Variants in CCDC192 observed in about 807,000 individuals in gnomAD.
CCDC192 encodes coiled-coil domain containing 192, also known as coiled-coil domain-containing protein 192.
At chr5:127,887,706 ATT>A (rs201453082) in intron 6 of CCDC192, among the ~76,000 whole-genome samples, 9 of 140,462 alleles carry the variant, frequency 6.4e-5, no homozygotes, top group East Asian at 2.1e-4. Flanking sequence ...TTTATTAACT[ATT>A]TTTTTTTTTT....
chr5:127,871,117 G>C (rs773959792), intron 5 of CCDC192, among the ~76,000 whole-genome samples: 2 of 152,320 alleles, frequency 1.3e-5, no homozygotes, highest in Non-Finnish European at 2.9e-5. Flanking sequence ...CAGTGCCTTG[G>C]AGTGCTCCTC....
At chr5:127,711,096 G>A (rs866296599) in intron 2 of CCDC192, among the ~76,000 whole-genome samples, 5 of 152,278 alleles carry the variant, frequency 3.3e-5, no homozygotes, top group South Asian at 2.1e-4. Context: ...ATAGGATCAC[G>A]ACTGCTCCCT....
chr5:127,875,701 G>C, intron 6 of CCDC192, 40 bp downstream of exon 6: 1 of 398,416 alleles, frequency 2.5e-6, no homozygotes, highest in Non-Finnish European at 4.4e-6. Context: ...TGGCCCGTCA[G>C]CTGGGTGATG....
intron 5 of CCDC192, among the ~76,000 whole-genome samples, chr5:127,860,670 A>G (rs1020859209): frequency 2.0e-5 from 3 of 152,198 alleles, no homozygotes; most frequent in Non-Finnish European, 4.4e-5. Context: ...TTTCCTTAAA[A>G]ATATGTACAG....
At chr5:127,757,372 A>G (rs904583527) in intron 3 of CCDC192, among the ~76,000 whole-genome samples, 2 of 152,178 alleles carry the variant, frequency 1.3e-5, no homozygotes, top group Non-Finnish European at 2.9e-5. Flanking sequence ...AGCCATTTTC[A>G]ATATTATATT....
In CCDC192 at chr5:127,798,155, T is replaced by G; in HGVS notation, c.404T>G (p.Ile135Arg). 1 of 398,442 alleles carries G rather than the reference T, an allele frequency of 2.5e-6. No homozygotes were observed. The highest frequency in any genetic ancestry group is 3.6e-5 in the East Asian group (1 of 28,006). The allele number at this position is 398,442 out of a possible 1,614,324, so 24.7% of individuals were successfully genotyped here. ...GTAAAAGCTTCCCAGGAGCAACTTA[T>G]AGCCCAGGTAAGTGTTTTCCTCCTT... ...AEVKASQEQLIAQKLKHEKKV... is the reference protein window; with the variant it reads ...AEVKASQEQLRAQKLKHEKKV... Residue 135 changes from isoleucine to arginine, a missense_variant, in exon 5 of 7, where the codon ATA (isoleucine) becomes AGA (arginine). By Grantham distance (97) the Ile-to-Arg change is moderately conservative. Coordinates refer to ENST00000514853, the MANE Select transcript of CCDC192 (RefSeq NM_001317938.2).
chr5:127,710,806 C>T (rs1422275741), intron 2 of CCDC192, among the ~76,000 whole-genome samples: 1 of 152,024 alleles, frequency 6.6e-6, no homozygotes, highest in Non-Finnish European at 1.5e-5. Flanking sequence ...CAAGGAGCTC[C>T]AGAATGTTAA....
At chr5:127,820,730 TTTTG>T (rs1241357509) in intron 5 of CCDC192, among the ~76,000 whole-genome samples, 4 of 152,216 alleles carry the variant, frequency 2.6e-5, no homozygotes, top group Non-Finnish European at 5.9e-5. Flanking sequence ...TAAGTTGATT[TTTTG>T]TTTGTTTTTA....
At chr5:127,854,331 C>G (rs902277865) in intron 5 of CCDC192, among the ~76,000 whole-genome samples, 4 of 152,104 alleles carry the variant, frequency 2.6e-5, no homozygotes, top group Non-Finnish European at 5.9e-5. Context: ...ACAGTAGTAC[C>G]CCCTTATTTA....
chr5:127,845,767 A>C (rs1750506289), intron 5 of CCDC192, among the ~76,000 whole-genome samples: 1 of 152,208 alleles, frequency 6.6e-6, no homozygotes, highest in South Asian at 2.1e-4. Context: ...TAGCATGAAA[A>C]AATTATGCTG....
intron 5 of CCDC192, among the ~76,000 whole-genome samples, chr5:127,855,249 A>G (rs183553752): frequency 3.0e-4 from 46 of 152,334 alleles, no homozygotes; most frequent in Admixed American, 1.6e-3. Flanking sequence ...TGCCACTGCT[A>G]TATCATCTAA....
intron 4 of CCDC192, among the ~76,000 whole-genome samples, 163 bp from the exon 5 acceptor site, chr5:127,797,943 A>G (rs1757272324): frequency 6.6e-6 from 1 of 151,746 alleles, no homozygotes; most frequent in Non-Finnish European, 1.5e-5. Flanking sequence ...GAAGAGAAAT[A>G]GGAATGGGGG....
At chr5:127,867,251 G>A (rs917209835) in intron 5 of CCDC192, among the ~76,000 whole-genome samples, 8 of 152,182 alleles carry the variant, frequency 5.3e-5, no homozygotes, top group African/African-American at 1.9e-4. Context: ...ATGGCCAATA[G>A]CTATTAATTT....
intron 3 of CCDC192, among the ~76,000 whole-genome samples, chr5:127,756,694 T>A (rs1754619754): frequency 6.6e-6 from 1 of 152,246 alleles, no homozygotes; most frequent in Admixed American, 6.5e-5. Flanking sequence ...ATTTGGTAGT[T>A]CTGCAAGGGC....
At chr5:127,726,261 A>C (rs1440934536) in intron 2 of CCDC192, among the ~76,000 whole-genome samples, 1 of 152,238 alleles carries the variant, frequency 6.6e-6, no homozygotes, top group African/African-American at 2.4e-5. Context: ...CTGCTCAAAA[A>C]AAGAAACAAA....
intron 6 of CCDC192, among the ~76,000 whole-genome samples, chr5:127,892,920 G>A (rs748790005): frequency 7.2e-5 from 11 of 152,076 alleles, no homozygotes; most frequent in Non-Finnish European, 1.0e-4. Flanking sequence ...ACACAGAATT[G>A]GCAGTAATCC....
chr5:127,714,989 G>A (rs1053907594), intron 2 of CCDC192, among the ~76,000 whole-genome samples: 13 of 148,542 alleles, frequency 8.8e-5, no homozygotes, highest in African/African-American at 3.2e-4. Flanking sequence ...TTTTGCTATT[G>A]AGTTGTTCAG....
chr5:127,823,180 C>T (rs551476925), intron 5 of CCDC192, among the ~76,000 whole-genome samples: 10 of 152,312 alleles, frequency 6.6e-5, no homozygotes, highest in African/African-American at 2.4e-4. Context: ...AATAGTGCAG[C>T]GACAGTAATC....
At chr5:127,745,728 A>G (rs561199614) in intron 2 of CCDC192, among the ~76,000 whole-genome samples, 16 of 152,342 alleles carry the variant, frequency 1.1e-4, no homozygotes, top group Admixed American at 4.6e-4. Flanking sequence ...CATCATTTTG[A>G]TGTCATATAA....
Sources: gnomAD v4.1 joint callset for allele counts (sites outside exome capture counted in the v4.1 genomes callset) on GRCh38, gnomAD v4.1.1 for gene constraint, MANE v1.5 for transcripts, NCBI Gene and HGNC (gene_info 2026-07-23, HGNC 2026-07-21) for gene names.